Variants in PTPRR observed in about 807,000 individuals in gnomAD.
The protein encoded by PTPRR is receptor-type tyrosine-protein phosphatase R.
In PTPRR, 38 loss-of-function variants were observed where a neutral mutation model predicts 77.2. The observed-to-expected ratio is 0.49, with a 90% CI of 0.38 to 0.65. The LOEUF is 0.65. Ranked by LOEUF, PTPRR falls within the 30% of genes least tolerant of loss-of-function variation. The pLI, the probability that PTPRR is intolerant of heterozygous loss-of-function variation, is 0.00. For synonymous variants in PTPRR, 299 were observed against 283.1 expected, an observed-to-expected ratio of 1.06 and a Z score of -0.57; for missense variants, 744 against 799.2, an observed-to-expected ratio of 0.93 and a Z score of 0.83.
chr12:70,879,961 T>C (rs556657864), intron 2 of PTPRR, among the ~76,000 whole-genome samples: 1 of 152,318 alleles, frequency 6.6e-6, no homozygotes, highest in South Asian at 2.1e-4. Context: ...TCTGTATTTG[T>C]TAGACGTAAA....
At chr12:70,654,924 C>T (rs904165696) in intron 13 of PTPRR, among the ~76,000 whole-genome samples, 9 of 152,276 alleles carry the variant, frequency 5.9e-5, no homozygotes, top group African/African-American at 1.9e-4. Flanking sequence ...AGATTACAGG[C>T]GAGAGCCACC....
At chr12:70,856,390 C>T (rs1353863805) in intron 2 of PTPRR, among the ~76,000 whole-genome samples, 1 of 152,064 alleles carries the variant, frequency 6.6e-6, no homozygotes, top group Non-Finnish European at 1.5e-5. Flanking sequence ...GGCAGATACA[C>T]AAGGGCAAGT....
intron 2 of PTPRR, among the ~76,000 whole-genome samples, chr12:70,859,155 A>G (rs879581365): frequency 7.2e-5 from 11 of 152,072 alleles, no homozygotes; most frequent in Admixed American, 7.2e-4. Flanking sequence ...TTTAAAATTC[A>G]GTGGAAATAA....
intron 1 of PTPRR, among the ~76,000 whole-genome samples, chr12:70,911,344 TG>T (rs1893696353): frequency 6.6e-6 from 1 of 152,126 alleles, no homozygotes; most frequent in East Asian, 1.9e-4. Flanking sequence ...TATAGACCTA[TG>T]AGCAGCATCC....
At chr12:70,874,240 A>G (rs543149436) in intron 2 of PTPRR, among the ~76,000 whole-genome samples, 18 of 152,324 alleles carry the variant, frequency 1.2e-4, no homozygotes, top group Non-Finnish European at 2.5e-4. Context: ...TGAACAAAAA[A>G]AGTCCCCTGA....
chr12:70,763,713 T>C lies in PTPRR; in HGVS notation c.471+952A>G, dbSNP rs529605795. On this transcript the variant is annotated intron_variant, in intron 3 of 13. Transcript: ENST00000283228. ...TTAAGGCTGGGGGAACATGGAGTCC[T>C]TGCTTAGACTCCCATTGCAGTGGAC... 5.3e-5 allele frequency among the ~76,000 whole-genome samples: 8 copies of C among 152,324 alleles called. No homozygotes were observed. The South Asian group carries it at 1.7e-3, about 32-fold the overall frequency.
chr12:70,669,588 A>ACACACACACACAC (rs1555247659), intron 10 of PTPRR, among the ~76,000 whole-genome samples: 1 of 150,256 alleles, frequency 6.7e-6, no homozygotes, highest in East Asian at 1.9e-4. Flanking sequence ...ACACACACAC[A>ACACACACACACAC]AGCTTGCACA....
intron 2 of PTPRR, among the ~76,000 whole-genome samples, chr12:70,810,409 C>A (rs149356608): frequency 3.3e-5 from 5 of 152,254 alleles, no homozygotes; most frequent in African/African-American, 1.2e-4. Flanking sequence ...GACATAATAT[C>A]ATTACTTTCA....
At chr12:70,849,148 A>G (rs1423076343) in intron 2 of PTPRR, among the ~76,000 whole-genome samples, 1 of 152,204 alleles carries the variant, frequency 6.6e-6, no homozygotes, top group African/African-American at 2.4e-5. Context: ...AATTATTTGG[A>G]TGACTATTAT....
chr12:70,789,727 A>T (rs1056452441), intron 2 of PTPRR, among the ~76,000 whole-genome samples: 1 of 152,190 alleles, frequency 6.6e-6, no homozygotes, highest in African/African-American at 2.4e-5. Flanking sequence ...TAGGAATTCC[A>T]TGAATTATGG....
intron 5 of PTPRR, among the ~76,000 whole-genome samples, chr12:70,752,095 A>G (rs1890418508): frequency 6.6e-6 from 1 of 152,146 alleles, no homozygotes; most frequent in African/African-American, 2.4e-5. Context: ...CATGTTCACC[A>G]TTTGATTTTT....
intron 2 of PTPRR, among the ~76,000 whole-genome samples, chr12:70,787,536 A>G (rs1312705528): frequency 7.2e-5 from 11 of 152,214 alleles, no homozygotes; most frequent in Non-Finnish European, 1.6e-4. Context: ...TAAAAGCTAT[A>G]TAAGCAATAA....
intron 2 of PTPRR, among the ~76,000 whole-genome samples, chr12:70,772,711 G>A (rs1157348340): frequency 6.6e-6 from 1 of 152,034 alleles, no homozygotes; most frequent in Non-Finnish European, 1.5e-5. Context: ...TTAAGATCCA[G>A]AAAAGGGCAG....
At chr12:70,735,062 C>CA (rs1435062832) in intron 6 of PTPRR, among the ~76,000 whole-genome samples, 1 of 152,032 alleles carries the variant, frequency 6.6e-6, no homozygotes, top group African/African-American at 2.4e-5. Context: ...AAATTTTGTT[C>CA]ATAACCCTCC....
chr12:70,812,333 C>G (rs1891823408), intron 2 of PTPRR, among the ~76,000 whole-genome samples: 1 of 152,152 alleles, frequency 6.6e-6, no homozygotes, highest in African/African-American at 2.4e-5. Flanking sequence ...CCCAAAAGGG[C>G]AAGTTTCAGA....
At chr12:70,711,966 T>C (rs1290935459) in intron 6 of PTPRR, among the ~76,000 whole-genome samples, 1 of 152,140 alleles carries the variant, frequency 6.6e-6, no homozygotes, top group Non-Finnish European at 1.5e-5. Flanking sequence ...TCTGTGTTTG[T>C]TCAGTGTTCA....
intron 2 of PTPRR, among the ~76,000 whole-genome samples, chr12:70,863,714 T>A (rs1892792803): frequency 6.6e-6 from 1 of 152,212 alleles, no homozygotes. Flanking sequence ...GGTGAAATAT[T>A]TCTTGGGTAT....
At chr12:70,687,802 G>A (rs1168669299) in intron 8 of PTPRR, among the ~76,000 whole-genome samples, 1 of 152,126 alleles carries the variant, frequency 6.6e-6, no homozygotes, top group Non-Finnish European at 1.5e-5. Flanking sequence ...CTTGAGACAT[G>A]GGCTTTGAAC....
intron 2 of PTPRR, among the ~76,000 whole-genome samples, chr12:70,822,867 A>G (rs1305650737): frequency 1.3e-5 from 2 of 152,216 alleles, no homozygotes; most frequent in Non-Finnish European, 1.5e-5. Context: ...ATTAGAGCGT[A>G]ATGTTAATAA....
Sources: gnomAD v4.1 joint callset for allele counts (sites outside exome capture counted in the v4.1 genomes callset) on GRCh38, gnomAD v4.1.1 for gene constraint, MANE v1.5 for transcripts, NCBI Gene and HGNC (gene_info 2026-07-23, HGNC 2026-07-21) for gene names.